Variants in CFAP47 observed in about 807,000 individuals in gnomAD.
The protein encoded by CFAP47 is cilia and flagella associated protein 47.
CFAP47 carries 29 observed loss-of-function variants against 148.1 expected under a neutral mutation model. The observed-to-expected ratio is 0.20, with a 90% CI of 0.15 to 0.27. The LOEUF (loss-of-function observed/expected upper bound fraction) is 0.27, where lower values mean the gene tolerates loss of function less well. Among genes scored for constraint, CFAP47 ranks in the 10% least tolerant of loss-of-function variants. The probability of loss-of-function intolerance (pLI) is 1.00; values close to 1 mark genes in which losing one functional copy is unlikely to be tolerated. For missense variants in CFAP47, 1,872 were observed against 1,697.5 expected (o/e 1.10, Z -1.81); for synonymous variants, 664 against 577.3 (o/e 1.15, Z -2.15).
chrX:36,363,023 A>T (rs1214270869), intron 61 of CFAP47, among the ~76,000 whole-genome samples: 1 of 111,790 alleles, frequency 8.9e-6, no homozygotes, highest in East Asian at 2.8e-4. Flanking sequence ...GGGCAGAGCC[A>T]ATGTGAATTT....
At chrX:36,176,101 G>T (rs1309482442) in intron 39 of CFAP47, among the ~76,000 whole-genome samples, 2 of 113,122 alleles carry the variant, frequency 1.8e-5, no homozygotes, top group Non-Finnish European at 3.7e-5. Context: ...GACTAGGAAA[G>T]GGAACTCCCT....
intron 42 of CFAP47, among the ~76,000 whole-genome samples, chrX:36,193,768 C>T (rs1555986857): frequency 8.9e-6 from 1 of 111,742 alleles, no homozygotes; most frequent in African/African-American, 3.3e-5. Flanking sequence ...CCTCCTTTCT[C>T]CTATTAACCA....
chrX:36,069,676 C>A (rs1192503855), intron 27 of CFAP47, among the ~76,000 whole-genome samples: 1 of 110,663 alleles, frequency 9.0e-6, no homozygotes, highest in Non-Finnish European at 1.9e-5. Flanking sequence ...GAGTTAGATG[C>A]CCTTATATAT....
chrX:36,016,781 C>T (rs1172509636), intron 22 of CFAP47, among the ~76,000 whole-genome samples: 5 of 96,360 alleles, frequency 5.2e-5, no homozygotes, highest in African/African-American at 1.1e-4. Flanking sequence ...TTCGCATCAA[C>T]GAACAGTATA....
chrX:36,130,830 A>G (rs143029051), intron 33 of CFAP47, among the ~76,000 whole-genome samples: 219 of 111,607 alleles, frequency 2.0e-3, no homozygotes, highest in African/African-American at 6.9e-3. Context: ...ATGCACAGAT[A>G]AACAAACATT....
Position 36,236,864 on chromosome X carries a change from G to A in CFAP47, c.7332+5G>A. ...AATACTGCCCTAACATTTAAGGTAA[G>A]AATTTATTTTTAGTGTGAAAGTGTT... On this transcript the variant is annotated splice_donor_5th_base_variant and intron_variant, in intron 48 of 63. Coordinates refer to ENST00000378653, the MANE Select transcript of CFAP47 (RefSeq NM_001304548.2). 2.3e-6 allele frequency: 1 copy of A among 438,894 alleles called. No individual in the cohort carries two copies. Among genetic ancestry groups the A allele is most frequent in the Non-Finnish European group, 4.1e-6 (1 of 246,734 alleles). The allele number at this position is 438,894 out of a possible 1,213,427, so 36.2% of individuals were successfully genotyped here.
chrX:35,998,009 A>G (rs1046978745), intron 19 of CFAP47, among the ~76,000 whole-genome samples: 1 of 111,111 alleles, frequency 9.0e-6, no homozygotes, highest in African/African-American at 3.3e-5. Context: ...TCTGAGGTAC[A>G]CATACAAGAG....
At chrX:36,211,474 C>A in intron 45 of CFAP47, 1 of 288,790 alleles carries the variant, frequency 3.5e-6, no homozygotes. Context: ...CCTGTCCAGT[C>A]CACTAGTGAT....
chrX:36,131,323 G>C (rs1027922446), intron 33 of CFAP47, among the ~76,000 whole-genome samples: 1 of 111,208 alleles, frequency 9.0e-6, no homozygotes, highest in African/African-American at 3.3e-5. Flanking sequence ...CAACCACTTT[G>C]CAAAACTGTT....
intron 22 of CFAP47, among the ~76,000 whole-genome samples, chrX:36,027,302 G>C (rs1937230753): frequency 9.2e-6 from 1 of 108,733 alleles, no homozygotes; most frequent in African/African-American, 3.3e-5. Context: ...AGTGAGCACT[G>C]TAGCCAGTAG....
chrX:36,155,723 G>T (rs57613854), intron 37 of CFAP47, among the ~76,000 whole-genome samples: 11,620 of 110,597 alleles, frequency 0.11, 1,214 homozygotes, highest in African/African-American at 0.32. Context: ...ATAAGGCTAT[G>T]TACCCACAGT....
intron 33 of CFAP47, 130 bp downstream of exon 33, chrX:36,104,821 T>A (rs753261756): frequency 3.2e-6 from 1 of 309,576 alleles, no homozygotes; most frequent in East Asian, 4.8e-5. Flanking sequence ...TACTTTCTGT[T>A]CTACAAAAAT....
chrX:36,239,963 C>T (rs932317520), intron 48 of CFAP47, among the ~76,000 whole-genome samples: 12 of 111,659 alleles, frequency 1.1e-4, no homozygotes, highest in Admixed American at 9.5e-4. Context: ...GTTCTTTCAC[C>T]GTTTATAGAA....
chrX:36,206,370 A>C (rs995589126), intron 45 of CFAP47, among the ~76,000 whole-genome samples: 1 of 111,735 alleles, frequency 8.9e-6, no homozygotes, highest in Non-Finnish European at 1.9e-5. Flanking sequence ...ACTTTGAAAC[A>C]CAGAGAGGAT....
intron 37 of CFAP47, among the ~76,000 whole-genome samples, chrX:36,157,684 GT>G (rs1343665748): frequency 4.7e-5 from 5 of 106,316 alleles, no homozygotes; most frequent in Admixed American, 2.0e-4. Flanking sequence ...GAATAGTGGT[GT>G]TTTTTTTTTC....
chrX:36,205,444 C>T (rs1940029197), intron 45 of CFAP47, among the ~76,000 whole-genome samples: 2 of 111,151 alleles, frequency 1.8e-5, no homozygotes, highest in Admixed American at 1.9e-4. Flanking sequence ...TGAGAGTGAA[C>T]TTGGTTATGG....
chrX:36,316,987 A>T (rs782399119), intron 56 of CFAP47, among the ~76,000 whole-genome samples: 1 of 111,368 alleles, frequency 9.0e-6, no homozygotes, highest in Admixed American at 9.5e-5. Context: ...AAGTTTTGCC[A>T]TGTTGCCTAG....
chrX:36,336,091 C>G (rs1459997610), intron 57 of CFAP47, among the ~76,000 whole-genome samples: 4 of 110,203 alleles, frequency 3.6e-5, no homozygotes, highest in Non-Finnish European at 7.6e-5. Flanking sequence ...TACAGGTGGC[C>G]TAGTTAAGAC....
chrX:36,309,259 A>G (rs1941374858), intron 55 of CFAP47, among the ~76,000 whole-genome samples: 1 of 111,023 alleles, frequency 9.0e-6, no homozygotes, highest in African/African-American at 3.2e-5. Flanking sequence ...TTATAAAATC[A>G]GTGGTTTTAC....
Sources: allele counts gnomAD v4.1 joint callset (sites outside exome capture counted in the v4.1 genomes callset), GRCh38; gene constraint gnomAD v4.1.1; transcripts MANE v1.5; gene names NCBI Gene and HGNC (gene_info 2026-07-23, HGNC 2026-07-21).